The following PSPC1 variants were observed in gnomAD, a reference collection of about 807,000 sequenced individuals.
The protein encoded by PSPC1 is paraspeckle protein 1.
A neutral mutation model predicts 51.6 loss-of-function variants in PSPC1; 14 were observed. The ratio of observed to expected loss-of-function variants is 0.27; its 90% CI spans 0.18 to 0.42. The LOEUF (loss-of-function observed/expected upper bound fraction) is 0.42. PSPC1 is among the 10% of genes least tolerant of loss of function. The probability of loss-of-function intolerance (pLI) is 1.00; values close to 1 mark genes in which losing one functional copy is unlikely to be tolerated. For missense variants in PSPC1, 406 were observed against 701.1 expected (o/e 0.58, Z 4.75); for synonymous variants, 193 against 231.9 (o/e 0.83, Z 1.53).
chr13:19,698,887 T>C (rs1879567250), downstream of PSPC1, among the ~76,000 whole-genome samples: 1 of 151,844 alleles, frequency 6.6e-6, no homozygotes, highest in Non-Finnish European at 1.5e-5. Flanking sequence ...AACAGACTTC[T>C]GTTATTCAAA....
downstream of PSPC1, chr13:19,673,089 T>A (rs1467779201): frequency 3.0e-6 from 1 of 329,706 alleles, no homozygotes; most frequent in African/African-American, 3.4e-5. Context: ...ACCTATACGG[T>A]TTTTTTTTGT....
At chr13:19,710,636 C>T (rs558530179) in intron 6 of PSPC1, among the ~76,000 whole-genome samples, 57 of 152,014 alleles carry the variant, frequency 3.7e-4, no homozygotes, top group Non-Finnish European at 6.3e-4. Flanking sequence ...AAATAAAAGC[C>T]TATGATGGAA....
intron 6 of PSPC1, among the ~76,000 whole-genome samples, chr13:19,716,744 T>TA (rs894254976): frequency 3.9e-5 from 6 of 152,140 alleles, no homozygotes; most frequent in African/African-American, 1.2e-4. Context: ...TAAATATTCC[T>TA]AAAAATAAAT....
At chr13:19,733,497 A>G (rs1037761960) in intron 5 of PSPC1, among the ~76,000 whole-genome samples, 6 of 152,192 alleles carry the variant, frequency 3.9e-5, no homozygotes, top group Non-Finnish European at 2.9e-5. Context: ...ACAGTGACTC[A>G]TGTCTGTAAT....
intron 8 of PSPC1, among the ~76,000 whole-genome samples, chr13:19,703,628 A>G (rs1412093197): frequency 6.6e-6 from 1 of 152,234 alleles, no homozygotes. Context: ...TCGTGACAGA[A>G]GCAAATGTAA....
At chr13:19,673,583 G>C (rs888522783), downstream of PSPC1, 1 of 164,874 alleles carries the variant, frequency 6.1e-6, no homozygotes, top group Non-Finnish European at 1.3e-5. Context: ...AGCTTTCTGG[G>C]GGAAAAGGGA....
chr13:19,761,948 A>C (rs1352655643), intron 2 of PSPC1, among the ~76,000 whole-genome samples: 1 of 152,218 alleles, frequency 6.6e-6, no homozygotes, highest in African/African-American at 2.4e-5. Flanking sequence ...AGAGGGAAAA[A>C]TGAACTAAGC....
chr13:19,742,260 CAAAAA>C (rs36104148), intron 4 of PSPC1, among the ~76,000 whole-genome samples: 1 of 119,172 alleles, frequency 8.4e-6, no homozygotes, highest in South Asian at 2.7e-4. Context: ...GACTCAATCT[CAAAAA>C]AAAAAAAAAA....
chr13:19,679,527 G>A (rs1877042373), intron 6 of PSPC1, among the ~76,000 whole-genome samples: 1 of 152,150 alleles, frequency 6.6e-6, no homozygotes, highest in Admixed American at 6.5e-5. Context: ...AATGTAGTTA[G>A]GCCCCGAGTG....
downstream of PSPC1, chr13:19,672,376 T>TAAG: frequency 6.5e-6 from 1 of 153,596 alleles, no homozygotes; most frequent in Non-Finnish European, 1.4e-5. Context: ...ACTCCTGACC[T>TAAG]CAGGTGATCC....
In PSPC1 at chr13:19,726,935, G is replaced by C. The variant is rs1434813719; in HGVS notation, c.1158+3304C>G. On this transcript the variant is annotated intron_variant, in intron 6 of 8. Transcript: ENST00000338910. ...GTTTATTATGTGTGTTGAATAAACT[G>C]TGTTGAAACACCTAGGGCTATTCCC... Among the ~76,000 whole-genome samples the C allele has an allele frequency of 2.6e-5, 4 of 152,180 alleles. No individual in the cohort carries two copies. In the East Asian group the frequency reaches 7.7e-4, roughly 29 times the overall value.
chr13:19,688,803 T>C (rs1299759076), intron 6 of PSPC1, among the ~76,000 whole-genome samples: 1 of 152,158 alleles, frequency 6.6e-6, no homozygotes, highest in Non-Finnish European at 1.5e-5. Context: ...TGACATAATC[T>C]CTTGCAATTA....
chr13:19,725,487 A>T (rs866268774), intron 6 of PSPC1, among the ~76,000 whole-genome samples: 4 of 152,182 alleles, frequency 2.6e-5, no homozygotes, highest in Admixed American at 2.0e-4. Context: ...AGGTCAGCAA[A>T]CATTTCAGGT....
intron 1 of PSPC1, among the ~76,000 whole-genome samples, chr13:19,777,636 T>C (rs934725166): frequency 6.6e-6 from 1 of 151,992 alleles, no homozygotes; most frequent in Non-Finnish European, 1.5e-5. Context: ...CACTTACATG[T>C]TGAAGTGTTT....
rs553669272 is a variant in PSPC1, at chr13:19,771,148, T to C, written c.674+1094A>G. Among the ~76,000 whole-genome samples, 5 of 152,072 alleles carry C rather than the reference T, an allele frequency of 3.3e-5. No individual in the cohort carries two copies. In the East Asian group the frequency reaches 9.7e-4, roughly 30 times the overall value. Reference sequence around the variant, plus strand: ...TTTTATGTTGTTGTTGTTTTTGGTTTTGTTTTTTAGGCAGAGTCTCGCTCT... The same window carrying C: ...TTTTATGTTGTTGTTGTTTTTGGTTCTGTTTTTTAGGCAGAGTCTCGCTCT... On this transcript the variant is annotated intron_variant, in intron 2 of 8. Coordinates refer to ENST00000338910, the MANE Select transcript of PSPC1 (RefSeq NM_001354909.2).
chr13:19,781,866 A>G (rs1488308179), intron 1 of PSPC1, among the ~76,000 whole-genome samples: 2 of 152,240 alleles, frequency 1.3e-5, no homozygotes, highest in Non-Finnish European at 2.9e-5. Flanking sequence ...TGGGATGTTA[A>G]TAATTGTTTA....
chr13:19,701,393 T>C (rs1307135196), downstream of PSPC1, among the ~76,000 whole-genome samples: 4 of 151,466 alleles, frequency 2.6e-5, no homozygotes, highest in Non-Finnish European at 5.9e-5. Flanking sequence ...AAACTCCCCA[T>C]ACCCCAATTA....
chr13:19,700,218 C>G (rs1879739209), downstream of PSPC1, among the ~76,000 whole-genome samples: 1 of 151,946 alleles, frequency 6.6e-6, no homozygotes, highest in South Asian at 2.1e-4. Context: ...ATATAAGTAG[C>G]AAGTTACTGA....
intron 1 of PSPC1, among the ~76,000 whole-genome samples, chr13:19,774,207 G>A (rs1290262572): frequency 6.6e-6 from 1 of 152,116 alleles, no homozygotes; most frequent in Non-Finnish European, 1.5e-5. Flanking sequence ...AATAAATAAG[G>A]AACTGGTAAA....
Sources: gnomAD v4.1 joint callset for allele counts (sites outside exome capture counted in the v4.1 genomes callset) on GRCh38, gnomAD v4.1.1 for gene constraint, MANE v1.5 for transcripts, NCBI Gene and HGNC (gene_info 2026-07-23, HGNC 2026-07-21) for gene names.